The following WDR17 variants were observed in gnomAD, a reference collection of about 807,000 sequenced individuals.
The protein encoded by WDR17 is WD repeat domain 17.
Under a neutral mutation model 161.7 loss-of-function variants are expected in WDR17, and 143 were observed. That is an observed-to-expected ratio of 0.88 (90% CI 0.77 to 1.02). The LOEUF (loss-of-function observed/expected upper bound fraction) is 1.02. Among genes scored for constraint, WDR17 ranks in the 50% least tolerant of loss-of-function variants. WDR17 has a pLI of 0.00. For synonymous variants in WDR17, 517 were observed against 515.6 expected (o/e 1.00, Z -0.04); for missense variants, 1,469 against 1,520.9 (o/e 0.97, Z 0.57).
At chr4:176,138,901 A>G (rs1441324073) in intron 9 of WDR17, among the ~76,000 whole-genome samples, 2 of 151,914 alleles carry the variant, frequency 1.3e-5, no homozygotes, top group Non-Finnish European at 2.9e-5. Flanking sequence ...TTAATTAACT[A>G]AGCTACGTGT....
rs1461375976 is a variant in WDR17 at position 176,119,994 on chromosome 4, T to C, written c.435T>C (p.Ala145=). 2.5e-6 allele frequency: 4 copies of C among 1,613,962 alleles called. No individual in the cohort carries two copies. The highest frequency in any genetic ancestry group is 3.4e-6 in the Non-Finnish European group (4 of 1,180,008). ...GTGGAGTGATTGTACACAAAGATGC[T>C]CATAGCTTCTTGTCTGATATCTGTA... ...PDSGVIVHKD[A]HSFLSDICMF... Residue 145 remains alanine (A), a synonymous_variant, in exon 4 of 29, where the codon GCT becomes GCC. Transcript: ENST00000508596.
chr4:176,147,301 C>A (rs1746344553), intron 12 of WDR17, among the ~76,000 whole-genome samples: 2 of 152,080 alleles, frequency 1.3e-5, no homozygotes, highest in Admixed American at 6.5e-5. Context: ...ATATCTGTGA[C>A]TAAAAAATTA....
At chr4:176,127,753 C>T (rs756315638) in intron 5 of WDR17, among the ~76,000 whole-genome samples, 1 of 152,092 alleles carries the variant, frequency 6.6e-6, no homozygotes, top group African/African-American at 2.4e-5. Flanking sequence ...TCATTATTCC[C>T]CCAACAAACC....
intron 5 of WDR17, among the ~76,000 whole-genome samples, chr4:176,126,050 A>G (rs1742396499): frequency 6.6e-6 from 1 of 152,204 alleles, no homozygotes; most frequent in Admixed American, 6.5e-5. Flanking sequence ...TACACTGTCT[A>G]TATTAATCCA....
chr4:176,156,150 C>A lies in WDR17; in HGVS notation c.2525+7C>A. The A allele has an allele frequency of 1.2e-6, 2 of 1,612,164 alleles. No homozygotes were observed. The highest frequency in any genetic ancestry group is 1.7e-6 in the Non-Finnish European group (2 of 1,179,108). ...GGAAGAAGTTAATGCAGAGGTAAGG[C>A]AGAGAGAGTCCGTGTTAAAACAGAT... On this transcript the variant is annotated splice_region_variant and intron_variant, in intron 18 of 28. Coordinates refer to ENST00000508596, the MANE Select transcript of WDR17 (RefSeq NM_181265.4).
chr4:176,087,974 G>A (rs1579012628), intron 1 of WDR17, among the ~76,000 whole-genome samples: 1 of 152,044 alleles, frequency 6.6e-6, no homozygotes, highest in East Asian at 1.9e-4. Context: ...CTTCTGAGTA[G>A]CTGGGACTAC....
chr4:176,078,548 C>G (rs920639050), intron 1 of WDR17, among the ~76,000 whole-genome samples: 1 of 152,040 alleles, frequency 6.6e-6, no homozygotes, highest in Non-Finnish European at 1.5e-5. Context: ...ACTTGTATGC[C>G]TCTATAGCAC....
intron 1 of WDR17, 62 bp from the exon 2 acceptor site, chr4:176,111,513 A>G (rs902231755): frequency 7.8e-6 from 12 of 1,547,102 alleles, no homozygotes; most frequent in Non-Finnish European, 7.9e-6. Flanking sequence ...ATAGATGTAA[A>G]ACAATGAGGA....
intron 1 of WDR17, among the ~76,000 whole-genome samples, chr4:176,071,763 C>T (rs1209244939): frequency 6.6e-6 from 1 of 152,196 alleles, no homozygotes; most frequent in Non-Finnish European, 1.5e-5. Flanking sequence ...CTGTAATCCT[C>T]TAAGCATCTG....
intron 17 of WDR17, 141 bp from the exon 18 acceptor site, chr4:176,155,938 C>A: frequency 1.4e-6 from 1 of 697,160 alleles, no homozygotes; most frequent in East Asian, 3.4e-5. Flanking sequence ...AAAAAGAAGT[C>A]AGAAAGTACC....
rs761536635 is a variant in WDR17, at chr4:176,177,464, A to G, written c.3549-7A>G. 6.5e-7 allele frequency: 1 copy of G among 1,529,246 alleles called. No individual in the cohort carries two copies. The highest frequency in any genetic ancestry group is 2.4e-5 in the Admixed American group (1 of 41,876). The allele number at this position is 1,529,246 out of a possible 1,614,324, so 94.7% of individuals were successfully genotyped here. A position where few individuals can be genotyped will look rare whatever the true frequency, so the allele number is the denominator to read the frequency against. The stretch of plus-strand genomic sequence containing the variant: ...AAATGAAATTTTGATATCTGTTGAA[A>G]ATATAGATCATTAGAAGACTCTCCG... On this transcript the variant is annotated splice_polypyrimidine_tract_variant and splice_region_variant and intron_variant, in intron 27 of 28. Coordinates refer to ENST00000508596, the MANE Select transcript of WDR17 (RefSeq NM_181265.4).
intron 28 of WDR17, among the ~76,000 whole-genome samples, chr4:176,178,601 G>C (rs760501004): frequency 6.6e-6 from 1 of 152,108 alleles, no homozygotes; most frequent in Non-Finnish European, 1.5e-5. Context: ...ATGGAGTACT[G>C]TTCTGCCAGG....
At chr4:176,084,896 C>CATA (rs1579006146) in intron 1 of WDR17, among the ~76,000 whole-genome samples, 1 of 151,094 alleles carries the variant, frequency 6.6e-6, no homozygotes, top group East Asian at 1.9e-4. Flanking sequence ...TCACCTTCAC[C>CATA]ATAAATCACT....
intron 21 of WDR17, among the ~76,000 whole-genome samples, 200 bp from the exon 22 acceptor site, chr4:176,162,954 A>G (rs73871917): frequency 0.033 from 5,023 of 152,232 alleles, 255 homozygotes; most frequent in African/African-American, 0.11. Flanking sequence ...AAATTTCTGT[A>G]TGTCTCATTA....
chr4:176,069,982 C>T (rs1379415728), intron 1 of WDR17, among the ~76,000 whole-genome samples: 2 of 151,992 alleles, frequency 1.3e-5, no homozygotes, highest in Admixed American at 1.3e-4. Context: ...TTAAGGTAAA[C>T]AGGTTTGAAG....
Position 176,150,648 on chromosome 4 carries a change from A to G in WDR17, c.2304+55A>G. The G allele has an allele frequency of 4.0e-6, 6 of 1,508,572 alleles. No individual in the cohort carries two copies. In the South Asian group the frequency reaches 4.1e-5, roughly 10 times the overall value. 93.4% of individuals were successfully genotyped at this position (1,508,572 alleles called of 1,614,324 possible). On this transcript the variant is annotated intron_variant, in intron 16 of 28. Coordinates refer to ENST00000508596, the MANE Select transcript of WDR17 (RefSeq NM_181265.4). The stretch of plus-strand genomic sequence containing the variant: ...CAAGCAAATTTTTTGCCTTTTCACT[A>G]TTAAAATGTAAAAATGATTTTAAAA...
At chr4:176,146,978 T>A (rs1224613199) in intron 12 of WDR17, among the ~76,000 whole-genome samples, 1 of 152,064 alleles carries the variant, frequency 6.6e-6, no homozygotes, top group Admixed American at 6.6e-5. Flanking sequence ...GCTATTCTCC[T>A]GCTTCAGCCT....
At chr4:176,084,759 T>TATATATTATATATTATATATATATATAAA (rs1735205130) in intron 1 of WDR17, among the ~76,000 whole-genome samples, 3 of 146,854 alleles carry the variant, frequency 2.0e-5, no homozygotes, top group East Asian at 2.0e-4. Flanking sequence ...AGATTATATA[T>TATATATTATATATTATATATATATATAAA]ATATATTATA....
chr4:176,094,406 T>G (rs899651487), intron 1 of WDR17, among the ~76,000 whole-genome samples: 1 of 152,170 alleles, frequency 6.6e-6, no homozygotes, highest in African/African-American at 2.4e-5. Context: ...AATATAGATA[T>G]GAAGGAGCAC....
Sources: allele counts gnomAD v4.1 joint callset (sites outside exome capture counted in the v4.1 genomes callset), GRCh38; gene constraint gnomAD v4.1.1; transcripts MANE v1.5; gene names NCBI Gene and HGNC (gene_info 2026-07-23, HGNC 2026-07-21).